PARPBP: variants seen among roughly 807,000 people sequenced by gnomAD.
The protein encoded by PARPBP is PCNA-interacting partner.
Under a neutral mutation model 50.0 loss-of-function variants are expected in PARPBP, and 52 were observed. The observed-to-expected ratio is 1.04, with a 90% confidence interval of 0.83 to 1.31. The LOEUF (loss-of-function observed/expected upper bound fraction) is 1.31. Ranked by LOEUF, PARPBP falls within the 50% of genes most tolerant of loss-of-function variation. PARPBP has a pLI of 0.00. For synonymous variants in PARPBP, 244 were observed against 232.1 expected (o/e 1.05, Z -0.47); for missense variants, 697 against 672.0 (o/e 1.04, Z -0.41).
chr12:102,157,583 A>G (rs1887097863), intron 4 of PARPBP, among the ~76,000 whole-genome samples: 2 of 152,266 alleles, frequency 1.3e-5, no homozygotes, highest in Non-Finnish European at 2.9e-5. Flanking sequence ...TTTCCTAAGA[A>G]ATACTTCTTA....
At chr12:102,171,716 A>G (rs566241806) in intron 6 of PARPBP, among the ~76,000 whole-genome samples, 3 of 152,160 alleles carry the variant, frequency 2.0e-5, no homozygotes, top group African/African-American at 7.2e-5. Flanking sequence ...AATACAAAAA[A>G]TTAGCCAGGT....
At chr12:102,187,539 A>G (rs543750283) in intron 9 of PARPBP, among the ~76,000 whole-genome samples, 5 of 152,266 alleles carry the variant, frequency 3.3e-5, no homozygotes, top group Admixed American at 6.5e-5. Flanking sequence ...CTCCCTAATG[A>G]GATGAAGTGA....
At chr12:102,146,543 T>G (rs1413031732) in intron 2 of PARPBP, among the ~76,000 whole-genome samples, 2 of 152,190 alleles carry the variant, frequency 1.3e-5, no homozygotes, top group African/African-American at 4.8e-5. Flanking sequence ...GATCCCTTCC[T>G]TACACCTTAT....
At chr12:102,155,268 G>C (rs1442211549) in intron 4 of PARPBP, 1 of 153,000 alleles carries the variant, frequency 6.5e-6, no homozygotes, top group Non-Finnish European at 1.5e-5. Context: ...GAGTGACAGA[G>C]GAAGACTCCA....
chr12:102,133,313 TA>T (rs1883143166), intron 2 of PARPBP, among the ~76,000 whole-genome samples: 2 of 152,184 alleles, frequency 1.3e-5, no homozygotes, highest in Non-Finnish European at 2.9e-5. Context: ...CATGTTGAAG[TA>T]TTTTTTTATA....
intron 4 of PARPBP, among the ~76,000 whole-genome samples, chr12:102,163,339 T>C (rs1396438192): frequency 2.6e-5 from 4 of 152,194 alleles, no homozygotes; most frequent in Non-Finnish European, 5.9e-5. Context: ...TTGTTAACCT[T>C]ATTATTGTTC....
intron 5 of PARPBP, among the ~76,000 whole-genome samples, chr12:102,165,230 A>G (rs773168094): frequency 7.2e-5 from 11 of 152,322 alleles, no homozygotes; most frequent in South Asian, 4.1e-4. Context: ...CAGGATGGGA[A>G]AGCTGGATGT....
At chr12:102,168,881 CTTCT>C (rs906713231) in intron 6 of PARPBP, among the ~76,000 whole-genome samples, 2 of 152,164 alleles carry the variant, frequency 1.3e-5, no homozygotes, top group Non-Finnish European at 2.9e-5. Context: ...AACAAACTGT[CTTCT>C]TTGTTTCTTC....
chr12:102,176,703 G>A (rs986720175), intron 7 of PARPBP, among the ~76,000 whole-genome samples: 2 of 152,164 alleles, frequency 1.3e-5, no homozygotes, highest in African/African-American at 2.4e-5. Context: ...GCCAGTGTAT[G>A]AAGAAAGACT....
intron 9 of PARPBP, among the ~76,000 whole-genome samples, chr12:102,189,251 C>G (rs1216743587): frequency 6.6e-6 from 1 of 152,160 alleles, no homozygotes. Context: ...AATGTGTGGA[C>G]CCAGCATACT....
intron 2 of PARPBP, among the ~76,000 whole-genome samples, 161 bp from the exon 3 acceptor site, chr12:102,148,068 CA>C (rs1885648707): frequency 6.6e-6 from 1 of 152,008 alleles, no homozygotes; most frequent in Non-Finnish European, 1.5e-5. Flanking sequence ...ATCTGGTTTC[CA>C]AAATTGTCTC....
chr12:102,154,912 C>G (rs1886671860), intron 4 of PARPBP: 3 of 431,530 alleles, frequency 7.0e-6, no homozygotes, highest in South Asian at 5.1e-5. Context: ...AGGGTGGCCA[C>G]CTATGAGACG....
chr12:102,164,276 T>C (rs1887894969), intron 4 of PARPBP, among the ~76,000 whole-genome samples, 162 bp from the exon 5 acceptor site: 1 of 152,296 alleles, frequency 6.6e-6, no homozygotes, highest in Admixed American at 6.5e-5. Context: ...AGATGGAGTT[T>C]ATTGATTGCC....
At chr12:102,183,466 A>T (rs1050859891) in intron 9 of PARPBP, among the ~76,000 whole-genome samples, 1 of 152,044 alleles carries the variant, frequency 6.6e-6, no homozygotes, top group African/African-American at 2.4e-5. Flanking sequence ...ATACCCATTT[A>T]GTTTATTTAT....
At chr12:102,142,486 C>T (rs539234820) in intron 2 of PARPBP, among the ~76,000 whole-genome samples, 3 of 152,316 alleles carry the variant, frequency 2.0e-5, no homozygotes, top group African/African-American at 7.2e-5. Context: ...GTCTTCTTCT[C>T]TCAACTCGTC....
chr12:102,182,214 T>C (rs776554872), intron 8 of PARPBP, among the ~76,000 whole-genome samples: 23 of 152,172 alleles, frequency 1.5e-4, no homozygotes, highest in Non-Finnish European at 2.4e-4. Flanking sequence ...AACCACAGTA[T>C]TCAGATAGCC....
chr12:102,188,248 C>G (rs1298813557), intron 9 of PARPBP, among the ~76,000 whole-genome samples: 1 of 151,260 alleles, frequency 6.6e-6, no homozygotes, highest in East Asian at 1.9e-4. Flanking sequence ...GGACGTGCCT[C>G]AAACACGTGG....
At chr12:102,177,216 C>G (rs1188366638) in intron 7 of PARPBP, among the ~76,000 whole-genome samples, 1 of 152,112 alleles carries the variant, frequency 6.6e-6, no homozygotes, top group Non-Finnish European at 1.5e-5. Context: ...CCTGAGTCTG[C>G]CAACAGAGAA....
intron 2 of PARPBP, among the ~76,000 whole-genome samples, chr12:102,138,515 T>A (rs924434640): frequency 6.6e-6 from 1 of 152,300 alleles, no homozygotes; most frequent in South Asian, 2.1e-4. Context: ...TTTAGTTAGA[T>A]CCCATTTATC....
Sources: allele counts gnomAD v4.1 joint callset (sites outside exome capture counted in the v4.1 genomes callset), GRCh38; gene constraint gnomAD v4.1.1; transcripts MANE v1.5; gene names NCBI Gene and HGNC (gene_info 2026-07-23, HGNC 2026-07-21).